IRF2: variants seen among roughly 807,000 people sequenced by gnomAD.
IRF2 encodes interferon regulatory factor 2.
Under a neutral mutation model 40.6 loss-of-function variants are expected in IRF2, and 15 were observed. That is an observed-to-expected ratio of 0.37 (90% CI 0.25 to 0.57). The LOEUF is 0.57. Among genes scored for constraint, IRF2 ranks in the 20% least tolerant of loss-of-function variants. IRF2 has a pLI of 0.77. For synonymous variants in IRF2, 151 were observed against 165.5 expected (o/e 0.91, Z 0.67); for missense variants, 317 against 455.7 (o/e 0.70, Z 2.77).
intron 1 of IRF2, among the ~76,000 whole-genome samples, chr4:184,443,810 C>T (rs1454156280): frequency 1.3e-5 from 2 of 152,302 alleles, no homozygotes; most frequent in East Asian, 3.9e-4. Context: ...ATCCACCCAT[C>T]CCAGAAAGCT....
At chr4:184,437,118 C>T (rs1470863118) in intron 1 of IRF2, among the ~76,000 whole-genome samples, 1 of 152,188 alleles carries the variant, frequency 6.6e-6, no homozygotes, top group Non-Finnish European at 1.5e-5. Flanking sequence ...TATAGTCGTG[C>T]AATCTTGGCT....
chr4:184,455,865 C>A (rs1462681960), intron 1 of IRF2, among the ~76,000 whole-genome samples: 2 of 152,138 alleles, frequency 1.3e-5, no homozygotes, highest in Non-Finnish European at 2.9e-5. Context: ...AACCTTACCC[C>A]GAGCCAACCG....
intron 1 of IRF2, among the ~76,000 whole-genome samples, chr4:184,465,019 C>T (rs975627573): frequency 9.2e-5 from 14 of 152,114 alleles, no homozygotes; most frequent in Admixed American, 9.2e-4. Flanking sequence ...AGGCTGTTGC[C>T]CCAGTTGTAA....
chr4:184,451,904 A>G (rs1343137249), intron 1 of IRF2, among the ~76,000 whole-genome samples: 1 of 152,160 alleles, frequency 6.6e-6, no homozygotes, highest in Admixed American at 6.5e-5. Context: ...CAGGGATGGA[A>G]CAAGAAGATA....
chr4:184,397,584 G>C (rs554914939), intron 7 of IRF2, among the ~76,000 whole-genome samples: 48 of 152,268 alleles, frequency 3.2e-4, no homozygotes, highest in Non-Finnish European at 3.8e-4. Flanking sequence ...CTTAGTGGCT[G>C]ATAATTCACA....
intron 1 of IRF2, among the ~76,000 whole-genome samples, chr4:184,435,453 T>C (rs1738041970): frequency 6.6e-6 from 1 of 152,196 alleles, no homozygotes; most frequent in Admixed American, 6.5e-5. Flanking sequence ...CTGGTAATGG[T>C]ACAGTAGGTA....
intron 1 of IRF2, among the ~76,000 whole-genome samples, chr4:184,466,642 T>C (rs1579119374): frequency 6.6e-6 from 1 of 152,208 alleles, no homozygotes. Context: ...AATTTTAGAT[T>C]GAGTTTGGGG....
At chr4:184,465,697 T>C (rs911936969) in intron 1 of IRF2, among the ~76,000 whole-genome samples, 2 of 152,232 alleles carry the variant, frequency 1.3e-5, no homozygotes, top group Non-Finnish European at 2.9e-5. Flanking sequence ...ATAAGCTACC[T>C]ATAGTCTGTC....
At position 184,448,225 on chromosome 4, in the gene IRF2, G is replaced by GCAAATACAA. The variant is rs1430394796; in HGVS notation, c.-6-19164_-6-19156dup. Among the ~76,000 whole-genome samples the GCAAATACAA allele has an allele frequency of 3.0e-4, 46 of 152,292 alleles. No homozygotes were observed. The highest frequency in any genetic ancestry group is 1.5e-3 in the Admixed American group (23 of 15,306). On this transcript the variant is annotated intron_variant, in intron 1 of 8. Coordinates refer to ENST00000393593, the MANE Select transcript of IRF2 (RefSeq NM_002199.4). This position sits in a 1 kb window ranked among gnomAD's most constrained non-coding sequence, Gnocchi z 4.3. ...AGGGAAAGACGACGACAGCCTTTCTGCAAATACAACAAACTCTAGGAAACC... is the reference window on the plus strand; with the variant it reads ...AGGGAAAGACGACGACAGCCTTTCTGCAAATACAACAAATACAACAAACTCTAGGAAACC...
chr4:184,452,096 T>A lies in IRF2; in HGVS notation c.-7+22283A>T, dbSNP rs568789809. On this transcript the variant is annotated intron_variant, in intron 1 of 8. Coordinates refer to ENST00000393593, the MANE Select transcript of IRF2 (RefSeq NM_002199.4). ...ACAATCTCTGTAAAACCTTCACACC[T>A]CTATTTGGAGACCCTCCTCAGGTGA... is the stretch of plus-strand genomic sequence containing the variant. 1.4e-4 allele frequency among the ~76,000 whole-genome samples: 21 copies of A among 152,202 alleles called. No individual in the cohort carries two copies. In the South Asian group the frequency reaches 4.4e-3, roughly 32 times the overall value.
chr4:184,405,269 C>T (rs1375121316), intron 6 of IRF2, among the ~76,000 whole-genome samples: 2 of 152,028 alleles, frequency 1.3e-5, no homozygotes, highest in East Asian at 3.9e-4. Flanking sequence ...CAAAACAAAA[C>T]TCAGTAGAGG....
chr4:184,466,034 T>C (rs139827876), intron 1 of IRF2, among the ~76,000 whole-genome samples: 2 of 151,668 alleles, frequency 1.3e-5, no homozygotes, highest in East Asian at 1.9e-4. Flanking sequence ...AGTTCAGTTT[T>C]AACTTGTCCC....
At chr4:184,459,286 A>T (rs1739049389) in intron 1 of IRF2, among the ~76,000 whole-genome samples, 3 of 152,206 alleles carry the variant, frequency 2.0e-5, no homozygotes, top group African/African-American at 7.2e-5. Context: ...ACAACAGAAA[A>T]AAAATAATTA....
At chr4:184,418,482 C>T (rs760504521) in intron 4 of IRF2, 50 bp downstream of exon 4, 1 of 1,526,378 alleles carries the variant, frequency 6.6e-7, no homozygotes. Flanking sequence ...ATCACGAAGG[C>T]ACGATGACAC....
At chr4:184,412,137 G>T (rs1373986762) in intron 5 of IRF2, among the ~76,000 whole-genome samples, 1 of 152,110 alleles carries the variant, frequency 6.6e-6, no homozygotes, top group Non-Finnish European at 1.5e-5. Flanking sequence ...CTACGTGGGT[G>T]CATGAACTCC....
At chr4:184,420,249 G>A (rs1185327437) in intron 2 of IRF2, among the ~76,000 whole-genome samples, 2 of 151,986 alleles carry the variant, frequency 1.3e-5, no homozygotes, top group Non-Finnish European at 2.9e-5. Context: ...ATTTATTCTC[G>A]TCGTTTGGTA....
At chr4:184,398,805 C>T (rs1736562795) in intron 7 of IRF2, 110 bp downstream of exon 7, 3 of 970,378 alleles carry the variant, frequency 3.1e-6, no homozygotes, top group Admixed American at 2.6e-5. Context: ...GGGAGAATAA[C>T]TCCTAGGACA....
intron 1 of IRF2, chr4:184,472,108 G>A (rs544609618): frequency 1.5e-4 from 23 of 152,266 alleles, no homozygotes; most frequent in Non-Finnish European, 3.1e-4. Flanking sequence ...ATGTTCCAAC[G>A]TTCCCCCTAG....
rs537026731 is a variant in IRF2, at chr4:184,413,831, A to G, written c.411+4336T>C. Reference sequence around the variant, plus strand: ...CTATTCGCCCCACCTACATGCCTGTATTTCCCATTGCCCTCTCACACAAAC... The same window carrying G: ...CTATTCGCCCCACCTACATGCCTGTGTTTCCCATTGCCCTCTCACACAAAC... On this transcript the variant is annotated intron_variant, in intron 5 of 8. Coordinates refer to ENST00000393593, the MANE Select transcript of IRF2 (RefSeq NM_002199.4). This position sits in a 1 kb window ranked among gnomAD's most constrained non-coding sequence, Gnocchi z 4.2. Among the ~76,000 whole-genome samples the G allele has an allele frequency of 6.6e-6, 1 of 152,304 alleles. No individual in the cohort carries two copies. Among genetic ancestry groups the G allele is most frequent in the East Asian group, 1.9e-4 (1 of 5,196 alleles).
Sources: allele counts gnomAD v4.1 joint callset (sites outside exome capture counted in the v4.1 genomes callset), GRCh38; gene constraint gnomAD v4.1.1; non-coding constraint Gnocchi (gnomAD v3.1); transcripts MANE v1.5; gene names NCBI Gene and HGNC (gene_info 2026-07-23, HGNC 2026-07-21).